The following CRAT variants were observed in gnomAD, a reference collection of about 807,000 sequenced individuals.
The protein encoded by CRAT is carnitine O-acetyltransferase.
Under a neutral mutation model 73.7 loss-of-function variants are expected in CRAT, and 66 were observed. That is an observed-to-expected ratio of 0.90 (90% CI 0.73 to 1.10). The LOEUF is 1.10. Ranked by LOEUF, CRAT falls within the 50% of genes least tolerant of loss-of-function variation. The pLI, the probability that CRAT is intolerant of heterozygous loss-of-function variation, is 0.00. For synonymous variants in CRAT, 321 were observed against 343.2 expected (o/e 0.94, Z 0.71); for missense variants, 745 against 846.9 (o/e 0.88, Z 1.49).
Position 129,108,394 on chromosome 9 carries a change from C to A in CRAT, c.28-317G>T, listed in dbSNP as rs17508701. On this transcript the variant is annotated intron_variant, in intron 1 of 13. Transcript: ENST00000318080. The stretch of plus-strand genomic sequence containing the variant: ...CGCCCACCTGTTGGGTTGCACAGGC[C>A]CCTCCTTTCTCACCCTGGAAGAGGA... 5.6e-4 allele frequency: 678 copies of A among 1,203,442 alleles called. 2 individuals are homozygous for A. In the African/African-American group the frequency reaches 9.6e-3, roughly 17 times the overall value. 74.5% of individuals were successfully genotyped at this position (1,203,442 alleles called of 1,614,324 possible). A position where few individuals can be genotyped will look rare whatever the true frequency, so the allele number is the denominator to read the frequency against.
In CRAT at chr9:129,097,256, G is replaced by A. The variant is rs371578002; in HGVS notation, c.1521C>T (p.Thr507=). The A allele has an allele frequency of 4.9e-5, 77 of 1,560,254 alleles. No individual in the cohort carries two copies. The East Asian group carries it at 5.9e-4, about 12-fold the overall frequency. Residue 507 remains threonine (T), a synonymous_variant, in exon 12 of 14, where the codon ACC becomes ACT. Transcript: ENST00000318080. ...RKAVQAHRGY[T]DRAIRGEAFD... is the part of the protein sequence containing the mutation. ...CACAAGCGGGCTCACTTACCCGGTC[G>A]GTGTAGCCTCGGTGGGCCTGCACGG...
chr9:129,098,127 G>T lies in CRAT; in HGVS notation c.1350C>A (p.Ala450=). The T allele has an allele frequency of 6.2e-7, 1 of 1,613,950 alleles. No homozygotes were observed. The highest frequency in any genetic ancestry group is 1.3e-5 in the African/African-American group (1 of 75,078). The change falls in exon 11 of 14, where the codon GCC becomes GCA. Residue 450 remains alanine (A), a synonymous_variant. Transcript: ENST00000318080. ...AYYRIYGQAC[A]TYESASLRMF... ...TGCGCAGGGAGGCACTTTCATAGGT[G>T]GCACATGCCTGTCCGTAGATCCTGG...
intron 8 of CRAT, among the ~76,000 whole-genome samples, chr9:129,098,997 G>T (rs1225501047): frequency 6.7e-6 from 1 of 149,976 alleles, no homozygotes; most frequent in Non-Finnish European, 1.5e-5. Context: ...TTTCTTTTGA[G>T]ACAGAGTCTT....
intron 8 of CRAT, 93 bp downstream of exon 8, chr9:129,099,773 G>T: frequency 1.0e-6 from 1 of 1,003,552 alleles, no homozygotes; most frequent in Non-Finnish European, 1.5e-6. Flanking sequence ...AGGCACAAAG[G>T]AGAGTGATAT....
In CRAT at chr9:129,110,417, C is replaced by G; in HGVS notation, c.27+66G>C. 1.4e-6 allele frequency: 2 copies of G among 1,468,162 alleles called. No homozygotes were observed. Among genetic ancestry groups the G allele is most frequent in the South Asian group, 1.3e-5 (1 of 77,436 alleles). 90.9% of individuals were successfully genotyped at this position (1,468,162 alleles called of 1,614,324 possible). A position where few individuals can be genotyped will look rare whatever the true frequency, so the allele number is the denominator to read the frequency against. On this transcript the variant is annotated intron_variant, in intron 1 of 13. Coordinates refer to ENST00000318080, the MANE Select transcript of CRAT (RefSeq NM_000755.5). The surrounding 1 kb of genome is among the most constrained non-coding windows in gnomAD (Gnocchi z 5.3). ...GGCCGCAGGACGCGGTCTCCGTTCCCGGACGCAACCGCACGGCCCGCCCAG... is the reference window on the plus strand; with the variant it reads ...GGCCGCAGGACGCGGTCTCCGTTCCGGGACGCAACCGCACGGCCCGCCCAG...
In CRAT at chr9:129,110,669, C is replaced by T. The variant is rs1295289429; in HGVS notation, c.-160G>A. The T allele has an allele frequency of 4.5e-5, 41 of 913,678 alleles. No individual in the cohort carries two copies. The highest frequency in any genetic ancestry group is 6.1e-5 in the Non-Finnish European group (40 of 653,220). The allele number at this position is 913,678 out of a possible 1,614,324, so 56.6% of individuals were successfully genotyped here. A position where few individuals can be genotyped will look rare whatever the true frequency, so the allele number is the denominator to read the frequency against. On this transcript the variant is annotated 5_prime_UTR_variant, in exon 1 of 14. Transcript: ENST00000318080. The surrounding 1 kb of genome is among the most constrained non-coding windows in gnomAD (Gnocchi z 5.3). ...CAGCCGGTAGAGGCAGCCCCGCGCC[C>T]ACCCTCTGGGCCGAGCGGGCTGCGG...
chr9:129,110,768 C>A lies in CRAT; in HGVS notation c.-259G>T. On this transcript the variant is annotated 5_prime_UTR_variant, in exon 1 of 14. Transcript: ENST00000318080. This position sits in a 1 kb window ranked among gnomAD's most constrained non-coding sequence, Gnocchi z 5.3. ...CGGGCCCCGGGCGGGCAACGGTGCC[C>A]GGGAGGTTGGCTGTGGGGCGGGGAC... 2.7e-6 allele frequency: 1 copy of A among 366,696 alleles called. No homozygotes were observed. Among genetic ancestry groups the A allele is most frequent in the East Asian group, 1.1e-4 (1 of 9,516 alleles). The allele number at this position is 366,696 out of a possible 1,614,324, so 22.7% of individuals were successfully genotyped here.
chr9:129,097,361 T>C, intron 11 of CRAT, 49 bp from the exon 12 acceptor site: 2 of 1,468,130 alleles, frequency 1.4e-6, no homozygotes, highest in Non-Finnish European at 1.9e-6. Context: ...CCTTCTCTTC[T>C]GGCCCACCTC....
At chr9:129,096,978 G>C (rs1847314282) in intron 12 of CRAT, among the ~76,000 whole-genome samples, 2 of 151,666 alleles carry the variant, frequency 1.3e-5, no homozygotes, top group African/African-American at 2.4e-5. Flanking sequence ...TGAGGCAGGA[G>C]AATTGCTTGA....
rs1473995988 is a variant in CRAT, at chr9:129,096,278, C to G, written c.1528-143G>C. ...CCAGAGTATTCTGGCCAGAGAGAGC[C>G]TTCGTTTCACAGATGGGGAAACCAA... is the stretch of plus-strand genomic sequence containing the variant. On this transcript the variant is annotated intron_variant, in intron 12 of 13. Coordinates refer to ENST00000318080, the MANE Select transcript of CRAT (RefSeq NM_000755.5). The G allele has an allele frequency of 8.4e-6, 9 of 1,076,128 alleles. No individual in the cohort carries two copies. In the South Asian group the frequency reaches 1.2e-4, roughly 14 times the overall value. 66.7% of individuals were successfully genotyped at this position (1,076,128 alleles called of 1,614,324 possible). A position where few individuals can be genotyped will look rare whatever the true frequency, so the allele number is the denominator to read the frequency against.
In CRAT at chr9:129,107,681, C is replaced by T. The variant is rs1271870646; in HGVS notation, c.291+133G>A. On this transcript the variant is annotated intron_variant, in intron 2 of 13. Transcript: ENST00000318080. This position sits in a 1 kb window ranked among gnomAD's most constrained non-coding sequence, Gnocchi z 5.0. ...TCCTTCTTGATCACCCAGCACCCTG[C>T]CAAGTGCCAGACACAGAGTATGTGC... 2 of 1,300,654 alleles carry T rather than the reference C, an allele frequency of 1.5e-6. No individual in the cohort carries two copies. The highest frequency in any genetic ancestry group is 2.9e-5 in the African/African-American group (2 of 68,258). 80.6% of individuals were successfully genotyped at this position (1,300,654 alleles called of 1,614,324 possible). A position where few individuals can be genotyped will look rare whatever the true frequency, so the allele number is the denominator to read the frequency against.
chr9:129,100,069 C>T, intron 7 of CRAT, 103 bp from the exon 8 acceptor site: 1 of 820,746 alleles, frequency 1.2e-6, no homozygotes, highest in East Asian at 2.5e-5. Context: ...GAAGCCATCT[C>T]AAGGGGCTAT....
At position 129,103,153 on chromosome 9, in the gene CRAT, T is replaced by G. The variant is rs1050055765; in HGVS notation, c.411-87A>C. On this transcript the variant is annotated intron_variant, in intron 3 of 13. Coordinates refer to ENST00000318080, the MANE Select transcript of CRAT (RefSeq NM_000755.5). This position sits in a 1 kb window ranked among gnomAD's most constrained non-coding sequence, Gnocchi z 4.6. ...GGACACCTGCTTGGGGAGCGGGAGG[T>G]CTAGTCTTCCAGCCTCTCTCACCGC... 1 of 1,157,672 alleles carries G rather than the reference T, an allele frequency of 8.6e-7. No homozygotes were observed. Among genetic ancestry groups the G allele is most frequent in the Non-Finnish European group, 1.3e-6 (1 of 769,756 alleles). The allele number at this position is 1,157,672 out of a possible 1,614,324, so 71.7% of individuals were successfully genotyped here.
intron 8 of CRAT, 116 bp from the exon 9 acceptor site, chr9:129,098,766 T>G (rs1588444836): frequency 7.7e-7 from 1 of 1,292,630 alleles, no homozygotes; most frequent in Non-Finnish European, 1.0e-6. Context: ...CCCAGGGAGG[T>G]GTGAGTTTGT....
chr9:129,100,016 GC>G, intron 7 of CRAT, 50 bp from the exon 8 acceptor site: 2 of 1,494,620 alleles, frequency 1.3e-6, no homozygotes, highest in Non-Finnish European at 9.3e-7. Flanking sequence ...CTGGGGGGTG[GC>G]CCCTCACCCA....
At chr9:129,108,682 G>C in intron 1 of CRAT, 1 of 1,272,302 alleles carries the variant, frequency 7.9e-7, no homozygotes, top group Non-Finnish European at 1.0e-6. Flanking sequence ...AAGTCCAGGA[G>C]GCCCTGGAGT....
At position 129,103,590 on chromosome 9, in the gene CRAT, C is replaced by G. The variant is rs759990602; in HGVS notation, c.411-524G>C. The stretch of plus-strand genomic sequence containing the variant: ...CCAGGGCTGTCTGGCCCATGGCAAC[C>G]ACCCTCAATGCTTGGGGCCGCCCCT... On this transcript the variant is annotated intron_variant, in intron 3 of 13. Coordinates refer to ENST00000318080, the MANE Select transcript of CRAT (RefSeq NM_000755.5). This position sits in a 1 kb window ranked among gnomAD's most constrained non-coding sequence, Gnocchi z 4.6. Among the ~76,000 whole-genome samples the G allele has an allele frequency of 6.6e-6, 1 of 152,166 alleles. No homozygotes were observed. The highest frequency in any genetic ancestry group is 1.5e-5 in the Non-Finnish European group (1 of 68,016).
Position 129,098,257 on chromosome 9 carries a change from G to C in CRAT, c.1320C>G (p.Ala440=). 3 of 1,613,898 alleles carry C rather than the reference G, an allele frequency of 1.9e-6. No homozygotes were observed. The highest frequency in any genetic ancestry group is 2.5e-6 in the Non-Finnish European group (3 of 1,180,022). Residue 440 remains alanine (A), a synonymous_variant, in exon 10 of 14, where the codon GCC becomes GCG. Transcript: ENST00000318080. ...GGGCCACAGAGGCGCACCTGTAGTA[G>C]GCCAGCTGCAAAGCCATCTGGATGA... ...DAFIQMALQL[A]YYRIYGQACA...
intron 2 of CRAT, among the ~76,000 whole-genome samples, chr9:129,104,775 T>A (rs1216995460): frequency 1.3e-5 from 2 of 150,768 alleles, no homozygotes; most frequent in Non-Finnish European, 3.0e-5. Flanking sequence ...TGGCTATTTT[T>A]TTGTATTTTT....
Sources: allele counts gnomAD v4.1 joint callset (sites outside exome capture counted in the v4.1 genomes callset), GRCh38; gene constraint gnomAD v4.1.1; non-coding constraint Gnocchi (gnomAD v3.1); transcripts MANE v1.5; gene names NCBI Gene and HGNC (gene_info 2026-07-23, HGNC 2026-07-21).